The following EEF2K variants were observed in gnomAD, a reference collection of about 807,000 sequenced individuals.
EEF2K encodes the protein eukaryotic elongation factor 2 kinase, also known as alternative protein EEF2K.
In EEF2K, 70 loss-of-function variants were observed where a neutral mutation model predicts 93.8. The observed-to-expected ratio is 0.75, with a 90% CI of 0.62 to 0.91. The LOEUF is 0.91. EEF2K is among the 40% of genes least tolerant of loss of function. The pLI is 0.00. For missense variants in EEF2K, 935 were observed against 972.9 expected (o/e 0.96, Z 0.52); for synonymous variants, 376 against 380.8 (o/e 0.99, Z 0.15).
intron 15 of EEF2K, among the ~76,000 whole-genome samples, chr16:22,272,489 A>G (rs1364925994): frequency 6.6e-6 from 1 of 152,216 alleles, no homozygotes. Context: ...TAGGCAATCC[A>G]TAGAGACAGA....
rs758490176 is a variant in EEF2K, at chr16:22,251,221, A to G, written c.517A>G (p.Ile173Val). ...GASNYVAKRY[I>V]EPVDRDVYFE... Reference sequence around the variant, plus strand: ...CTCCAACTACGTGGCGAAGCGCTACATCGAGCCCGTAGACCGGGATGTGTA... The same window carrying G: ...CTCCAACTACGTGGCGAAGCGCTACGTCGAGCCCGTAGACCGGGATGTGTA... Residue 173 changes from isoleucine (I) to valine (V), a missense_variant, in exon 6 of 18, where the codon ATC becomes GTC. Coordinates refer to ENST00000263026, the MANE Select transcript of EEF2K (RefSeq NM_013302.5). 8.1e-6 allele frequency: 13 copies of G among 1,614,014 alleles called. No individual in the cohort carries two copies. In the South Asian group the frequency reaches 1.3e-4, roughly 16 times the overall value.
intron 13 of EEF2K, 79 bp downstream of exon 13, chr16:22,264,959 A>C: frequency 6.5e-7 from 1 of 1,530,988 alleles, no homozygotes; most frequent in Admixed American, 1.7e-5. Flanking sequence ...CCTGTCTCAT[A>C]TCTCTGCTGC....
In EEF2K at chr16:22,264,845, G is replaced by A; in HGVS notation, c.1405G>A (p.Glu469Lys). The change falls in exon 13 of 18, where the codon GAG becomes AAG. Residue 469 changes from glutamate (E) to lysine (K), a missense_variant. Glu to Lys is a moderately conservative substitution (Grantham distance 56). Transcript: ENST00000263026. ...HGHSYSNRKY[E>K]SDEDSLGSSG... ...CCACTCATACAGTAATCGGAAGTAC[G>A]AGTCTGACGAAGACAGCCTGGGCAG... 3.1e-6 allele frequency: 5 copies of A among 1,613,974 alleles called. No homozygotes were observed. In the South Asian group the frequency reaches 3.3e-5, roughly 11 times the overall value.
intron 1 of EEF2K, among the ~76,000 whole-genome samples, chr16:22,207,953 G>A (rs779062878): frequency 4.6e-5 from 7 of 152,174 alleles, no homozygotes; most frequent in African/African-American, 1.4e-4. Flanking sequence ...CAGAGATGGC[G>A]TATGCAGGTG....
intron 1 of EEF2K, among the ~76,000 whole-genome samples, chr16:22,210,281 A>G (rs1434783884): frequency 6.6e-6 from 1 of 152,198 alleles, no homozygotes; most frequent in Non-Finnish European, 1.5e-5. Flanking sequence ...TTCGAGCTCT[A>G]GCAAGGACTA....
Position 22,285,882 on chromosome 16 carries a change from T to TG in EEF2K, c.*1890dup, listed in dbSNP as rs1302554944. Reference sequence around the variant, plus strand: ...TATTTTATAATTTTTGAAATAGAGATGGGGTCTCACTGTGTTGCCCAGGCT... The same window carrying TG: ...TATTTTATAATTTTTGAAATAGAGATGGGGGTCTCACTGTGTTGCCCAGGCT... On this transcript the variant is annotated 3_prime_UTR_variant, in exon 18 of 18. Transcript: ENST00000263026. The TG allele has an allele frequency of 1.3e-5, 2 of 152,142 alleles. No individual in the cohort carries two copies. Among genetic ancestry groups the TG allele is most frequent in the Non-Finnish European group, 2.9e-5 (2 of 68,040 alleles). 9.4% of individuals were successfully genotyped at this position (152,142 alleles called of 1,614,324 possible).
intron 12 of EEF2K, 39 bp from the exon 13 acceptor site, chr16:22,264,779 T>G: frequency 6.2e-7 from 1 of 1,611,372 alleles, no homozygotes; most frequent in Non-Finnish European, 8.5e-7. Flanking sequence ...GGGAAGAAGC[T>G]TGTCGCTTTG....
At position 22,264,838 on chromosome 16, in the gene EEF2K, G is replaced by A; in HGVS notation, c.1398G>A (p.Arg466=). 2 of 1,614,026 alleles carry A rather than the reference G, an allele frequency of 1.2e-6. No individual in the cohort carries two copies. The highest frequency in any genetic ancestry group is 2.2e-5 in the East Asian group (1 of 44,868). Residue 466 remains arginine (R), a synonymous_variant, in exon 13 of 18, where the codon CGG becomes CGA. Coordinates refer to ENST00000263026, the MANE Select transcript of EEF2K (RefSeq NM_013302.5). The part of the protein sequence containing the change: ...PREHGHSYSN[R]KYESDEDSLG... ...TTCAGGGCCACTCATACAGTAATCGGAAGTACGAGTCTGACGAAGACAGCC... is the reference window on the plus strand; with the variant it reads ...TTCAGGGCCACTCATACAGTAATCGAAAGTACGAGTCTGACGAAGACAGCC...
At chr16:22,227,579 G>A (rs2047076266) in intron 2 of EEF2K, among the ~76,000 whole-genome samples, 1 of 152,056 alleles carries the variant, frequency 6.6e-6, no homozygotes, top group South Asian at 2.1e-4. Flanking sequence ...TGCCAGCGTG[G>A]GTACTTGATT....
chr16:22,281,417 T>C (rs1359677764), intron 17 of EEF2K, among the ~76,000 whole-genome samples: 1 of 152,154 alleles, frequency 6.6e-6, no homozygotes, highest in Non-Finnish European at 1.5e-5. Context: ...TTTTTAAAAG[T>C]TCTTTGTAGT....
intron 1 of EEF2K, among the ~76,000 whole-genome samples, chr16:22,222,255 G>A (rs2047020891): frequency 6.6e-6 from 1 of 151,410 alleles, no homozygotes; most frequent in African/African-American, 2.4e-5. Flanking sequence ...GTGTTGTGGT[G>A]CAATTTCAGC....
rs147220043 is a variant in EEF2K at position 22,256,769 on chromosome 16, A to C, written c.640A>C (p.Ile214Leu). The change falls in exon 7 of 18, where the codon ATC becomes CTC. Residue 214 changes from isoleucine to leucine, a missense_variant. By Grantham distance (5) the Ile-to-Leu change is conservative. Coordinates refer to ENST00000263026, the MANE Select transcript of EEF2K (RefSeq NM_013302.5). ...PKQVDIMQMC[I>L]IELKDRPGKP... ...CCAGGTGGACATCATGCAGATGTGCATCATCGAGCTGAAGGACAGACCGGG... is the reference window on the plus strand; with the variant it reads ...CCAGGTGGACATCATGCAGATGTGCCTCATCGAGCTGAAGGACAGACCGGG... The C allele has an allele frequency of 1.2e-6, 2 of 1,614,052 alleles. No individual in the cohort carries two copies. Among genetic ancestry groups the C allele is most frequent in the Non-Finnish European group, 1.7e-6 (2 of 1,180,002 alleles).
At chr16:22,229,755 G>A (rs2047097854) in intron 2 of EEF2K, among the ~76,000 whole-genome samples, 1 of 152,028 alleles carries the variant, frequency 6.6e-6, no homozygotes, top group Admixed American at 6.6e-5. Flanking sequence ...AATAACTGGT[G>A]GGGGTAAAAA....
chr16:22,266,819 C>T lies in EEF2K; in HGVS notation c.1707C>T (p.Gly569=), dbSNP rs781156619. Residue 569 remains glycine (G), a synonymous_variant, in exon 15 of 18, where the codon GGC becomes GGT. Coordinates refer to ENST00000263026, the MANE Select transcript of EEF2K (RefSeq NM_013302.5). ...TGGGCGAGCTGGAGGCCATCGTGGGCCTGGGACTCATGTACTCGCAGTTGC... is the reference window on the plus strand; with the variant it reads ...TGGGCGAGCTGGAGGCCATCGTGGGTCTGGGACTCATGTACTCGCAGTTGC... ...ANLGELEAIV[G]LGLMYSQLPH... 2 of 1,614,034 alleles carry T rather than the reference C, an allele frequency of 1.2e-6. No homozygotes were observed. Among genetic ancestry groups the T allele is most frequent in the African/African-American group, 2.7e-5 (2 of 74,940 alleles).
chr16:22,211,119 A>G (rs1335794816), intron 1 of EEF2K, among the ~76,000 whole-genome samples: 1 of 152,234 alleles, frequency 6.6e-6, no homozygotes, highest in African/African-American at 2.4e-5. Context: ...GAGGAAAGCC[A>G]GCTCTCTGTG....
chr16:22,210,753 G>A (rs1362831135), intron 1 of EEF2K, among the ~76,000 whole-genome samples: 1 of 152,212 alleles, frequency 6.6e-6, no homozygotes, highest in East Asian at 1.9e-4. Flanking sequence ...CCTGAGGGAT[G>A]AGCAGTCAAG....
chr16:22,249,531 G>A (rs1041358736), intron 4 of EEF2K, among the ~76,000 whole-genome samples: 4 of 152,078 alleles, frequency 2.6e-5, no homozygotes, highest in Non-Finnish European at 5.9e-5. Flanking sequence ...TACCCACAGG[G>A]TAAGCACCCC....
chr16:22,243,247 AT>A (rs568043657), intron 2 of EEF2K, among the ~76,000 whole-genome samples: 42,231 of 118,454 alleles, frequency 0.36, 7,460 homozygotes, highest in East Asian at 0.82. Context: ...GATGCAGCCT[AT>A]TTTTTTTTTT....
chr16:22,251,386 G>A, intron 6 of EEF2K, 64 bp downstream of exon 6: 3 of 1,546,362 alleles, frequency 1.9e-6, no homozygotes, highest in Non-Finnish European at 2.6e-6. Flanking sequence ...GTCTGGGAAA[G>A]AGGGCCATGG....
Sources: gnomAD v4.1 joint callset for allele counts (sites outside exome capture counted in the v4.1 genomes callset) on GRCh38, gnomAD v4.1.1 for gene constraint, MANE v1.5 for transcripts, NCBI Gene and HGNC (gene_info 2026-07-23, HGNC 2026-07-21) for gene names.